The following RNF170 variants were observed in gnomAD, a reference collection of about 807,000 sequenced individuals.
The protein encoded by RNF170 is E3 ubiquitin-protein ligase RNF170.
A neutral mutation model predicts 32.7 loss-of-function variants in RNF170; 12 were observed. The observed-to-expected ratio is 0.37, with a 90% confidence interval of 0.24 to 0.60. The LOEUF is 0.60. Among genes scored for constraint, RNF170 ranks in the 20% least tolerant of loss-of-function variants. The probability of loss-of-function intolerance (pLI) is 0.72; values close to 1 mark genes in which losing one functional copy is unlikely to be tolerated. For missense variants in RNF170, 212 were observed against 311.2 expected, an observed-to-expected ratio of 0.68 and a Z score of 2.40; for synonymous variants, 91 against 103.6, an observed-to-expected ratio of 0.88 and a Z score of 0.74.
At chr8:42,861,903 G>T in intron 5 of RNF170, 48 bp from the exon 6 acceptor site, 2 of 1,523,290 alleles carry the variant, frequency 1.3e-6, no homozygotes, top group Non-Finnish European at 1.8e-6. Context: ...GCATCATTAT[G>T]TTTTTTTCAT....
chr8:42,851,317 T>C (rs2128920348), downstream of RNF170, among the ~76,000 whole-genome samples: 1 of 151,898 alleles, frequency 6.6e-6, no homozygotes, highest in Non-Finnish European at 1.5e-5. Flanking sequence ...ATCTCAGCAA[T>C]TTGGGAGGCC....
intron 6 of RNF170, among the ~76,000 whole-genome samples, chr8:42,860,883 A>G (rs1203883276): frequency 6.6e-6 from 1 of 151,756 alleles, no homozygotes; most frequent in African/African-American, 2.4e-5. Flanking sequence ...ACACTCAGCT[A>G]ATTTTTGTAT....
In RNF170 at chr8:42,864,124, C is replaced by T. The variant is rs372938467; in HGVS notation, c.396+1292G>A. ...ACTTTTTTTTTTAGTGATGTAATCT[C>T]GTTCTATTGCCCAAGCTGGAGTGCA... On this transcript the variant is annotated intron_variant, in intron 5 of 6. Coordinates refer to ENST00000527424, the MANE Select transcript of RNF170 (RefSeq NM_030954.4). 1.9e-4 allele frequency among the ~76,000 whole-genome samples: 28 copies of T among 150,384 alleles called. No homozygotes were observed. In the East Asian group the frequency reaches 2.7e-3, roughly 15 times the overall value.
At chr8:42,862,041 T>A (rs961955727) in intron 5 of RNF170, among the ~76,000 whole-genome samples, 186 bp from the exon 6 acceptor site, 1 of 152,152 alleles carries the variant, frequency 6.6e-6, no homozygotes, top group South Asian at 2.1e-4. Flanking sequence ...AACATAGAAT[T>A]TGAACTCCTA....
chr8:42,850,724 T>C, downstream of RNF170: 1 of 1,544,756 alleles, frequency 6.5e-7, no homozygotes, highest in Non-Finnish European at 8.8e-7. Context: ...GAGGGGAGGG[T>C]CACTGCCTAC....
At position 42,870,018 on chromosome 8, in the gene RNF170, C is replaced by G. The variant is rs752201957; in HGVS notation, c.308G>C (p.Gly103Ala). Residue 103 changes from glycine (G) to alanine (A), a missense_variant, in exon 4 of 7, where the codon GGA (glycine) becomes GCA (alanine). Gly to Ala is a moderately conservative substitution (Grantham distance 60, BLOSUM62 0). Transcript: ENST00000527424. ...QASFPVETNC[G>A]HLFCGACIIA... ...TGTTTGCTTACCACAAAAAAGATGT[C>G]CACAGTTGGTCTCCACCGGGAAGGA... is the stretch of plus-strand genomic sequence containing the variant. The G allele has an allele frequency of 6.2e-7, 1 of 1,613,380 alleles. No individual in the cohort carries two copies. The highest frequency in any genetic ancestry group is 8.5e-7 in the Non-Finnish European group (1 of 1,179,358).
chr8:42,889,149 T>C (rs1256728349), intron 1 of RNF170, among the ~76,000 whole-genome samples: 2 of 152,212 alleles, frequency 1.3e-5, no homozygotes, highest in African/African-American at 4.8e-5. Flanking sequence ...GAAAAACTAT[T>C]TGTCCACCTG....
At chr8:42,876,111 C>T (rs1037065622) in intron 2 of RNF170, among the ~76,000 whole-genome samples, 1 of 151,764 alleles carries the variant, frequency 6.6e-6, no homozygotes, top group Non-Finnish European at 1.5e-5. Context: ...ATCGTGATGA[C>T]ATTTCAGAAT....
chr8:42,857,927 C>T (rs1427521529), intron 6 of RNF170, among the ~76,000 whole-genome samples: 1 of 152,118 alleles, frequency 6.6e-6, no homozygotes, highest in Non-Finnish European at 1.5e-5. Flanking sequence ...CCCAGCTAGT[C>T]AGGTGGCTGA....
At chr8:42,857,660 GCTTT>G (rs1321274023) in intron 6 of RNF170, among the ~76,000 whole-genome samples, 5 of 152,118 alleles carry the variant, frequency 3.3e-5, no homozygotes, top group East Asian at 1.9e-4. Context: ...CACATACCAG[GCTTT>G]CTTACTCATT....
chr8:42,874,049 C>T (rs1804723950), intron 2 of RNF170, 43 bp from the exon 3 acceptor site: 1 of 1,152,580 alleles, frequency 8.7e-7, no homozygotes, highest in Admixed American at 1.7e-5. Flanking sequence ...AAAATATTAT[C>T]ATATGAATCC....
chr8:42,880,077 ACTT>A (rs1454165534), intron 2 of RNF170, among the ~76,000 whole-genome samples: 6 of 152,232 alleles, frequency 3.9e-5, no homozygotes. Context: ...GAGGTTCAGG[ACTT>A]CAGAGGAAGA....
chr8:42,862,155 A>G (rs1179264272), intron 5 of RNF170, among the ~76,000 whole-genome samples: 1 of 152,224 alleles, frequency 6.6e-6, no homozygotes, highest in African/African-American at 2.4e-5. Context: ...TGAAGATAAA[A>G]GAAGGATGAG....
chr8:42,867,850 C>T (rs1804232877), intron 4 of RNF170, among the ~76,000 whole-genome samples: 1 of 139,654 alleles, frequency 7.2e-6, no homozygotes, highest in Non-Finnish European at 1.6e-5. Context: ...TAGAAACTAA[C>T]TTGTAGAAAA....
chr8:42,856,573 G>T, intron 6 of RNF170, 145 bp from the exon 7 acceptor site: 2 of 634,742 alleles, frequency 3.2e-6, no homozygotes, highest in Non-Finnish European at 5.3e-6. Flanking sequence ...ATTATGTGTT[G>T]TATTTAAAAA....
intron 6 of RNF170, among the ~76,000 whole-genome samples, chr8:42,856,960 A>T (rs994271202): frequency 2.6e-5 from 4 of 152,228 alleles, no homozygotes; most frequent in African/African-American, 9.6e-5. Context: ...GAAAAAAATA[A>T]CTAAAAGAGA....
chr8:42,875,724 G>A (rs1436596429), intron 2 of RNF170, among the ~76,000 whole-genome samples: 3 of 152,062 alleles, frequency 2.0e-5, no homozygotes, highest in Non-Finnish European at 2.9e-5. Context: ...TTATGGGCAC[G>A]TGCCACCATG....
chr8:42,855,744 A>T lies in RNF170; in HGVS notation c.*415T>A. The T allele has an allele frequency of 1.0e-5, 13 of 1,253,386 alleles. No individual in the cohort carries two copies. The highest frequency in any genetic ancestry group is 1.3e-5 in the Non-Finnish European group (13 of 966,130). 77.6% of individuals were successfully genotyped at this position (1,253,386 alleles called of 1,614,324 possible). ...ATTTTATTGGAACAAAAATATTTAG[A>T]TGAGTTTCACAGCTATATATTATCA... On this transcript the variant is annotated 3_prime_UTR_variant, in exon 7 of 7. Transcript: ENST00000527424.
intron 2 of RNF170, among the ~76,000 whole-genome samples, chr8:42,883,720 AAAAAT>A (rs1275967653): frequency 2.6e-5 from 4 of 152,174 alleles, no homozygotes; most frequent in African/African-American, 4.8e-5. Context: ...TCTCTACTAA[AAAAAT>A]AAAATAAAAT....
Sources: allele counts gnomAD v4.1 joint callset (sites outside exome capture counted in the v4.1 genomes callset), GRCh38; gene constraint gnomAD v4.1.1; transcripts MANE v1.5; gene names NCBI Gene and HGNC (gene_info 2026-07-23, HGNC 2026-07-21).